ARID1A: variants seen among roughly 807,000 people sequenced by gnomAD.
ARID1A encodes the protein AT-rich interactive domain-containing protein 1A.
Under a neutral mutation model 212.6 loss-of-function variants are expected in ARID1A, and 20 were observed. The observed-to-expected ratio is 0.09, with a 90% CI of 0.07 to 0.14. The LOEUF (loss-of-function observed/expected upper bound fraction) is 0.14. ARID1A is among the 10% of genes least tolerant of loss of function. The pLI, the probability that ARID1A is intolerant of heterozygous loss-of-function variation, is 1.00. For synonymous variants in ARID1A, 1,376 were observed against 1,222.1 expected (o/e 1.13, Z -2.63); for missense variants, 2,587 against 3,059.0 (o/e 0.85, Z 3.64).
intron 11 of ARID1A, chr1:26,769,699 GTATAGGGAC>G (rs1329435704): frequency 2.0e-5 from 3 of 152,220 alleles, no homozygotes; most frequent in Non-Finnish European, 4.4e-5. Context: ...CTTCCTTTGT[GTATAGGGAC>G]TTGAAAACCC....
intron 4 of ARID1A, among the ~76,000 whole-genome samples, chr1:26,740,294 T>G (rs1314895335): frequency 6.6e-6 from 1 of 152,226 alleles, no homozygotes; most frequent in Non-Finnish European, 1.5e-5. Flanking sequence ...TCCTAAAGGA[T>G]CCTCCTGTGT....
At chr1:26,710,527 A>ACACC (rs915474721) in intron 1 of ARID1A, among the ~76,000 whole-genome samples, 25 of 150,498 alleles carry the variant, frequency 1.7e-4, no homozygotes, top group African/African-American at 5.9e-4. Context: ...ACACACACAC[A>ACACC]CCACTTGTTG....
rs144944633 is a variant in ARID1A, at chr1:26,775,093, C to T, written c.4866C>T (p.Ala1622=). 1.9e-6 allele frequency: 3 copies of T among 1,614,132 alleles called. No homozygotes were observed. The highest frequency in any genetic ancestry group is 2.5e-6 in the Non-Finnish European group (3 of 1,180,018). The change falls in exon 18 of 20, where the codon GCC becomes GCT. Residue 1622 remains alanine (A), a synonymous_variant. Transcript: ENST00000324856. ...KMQKAGPPVP[A]SHIAPAPVQP... Reference sequence around the variant, plus strand: ...AGAAGGCAGGTCCCCCAGTACCTGCCTCGCACATAGCACCTGCCCCTGTGC... The same window carrying T: ...AGAAGGCAGGTCCCCCAGTACCTGCTTCGCACATAGCACCTGCCCCTGTGC...
At chr1:26,744,377 T>C (rs77216962) in intron 4 of ARID1A, among the ~76,000 whole-genome samples, 1,839 of 152,330 alleles carry the variant, frequency 0.012, 23 homozygotes, top group Non-Finnish European at 0.02. Flanking sequence ...ACCTTTTGTT[T>C]CCTTCGGAAC....
At chr1:26,715,154 C>G (rs2080489987) in intron 1 of ARID1A, among the ~76,000 whole-genome samples, 1 of 152,104 alleles carries the variant, frequency 6.6e-6, no homozygotes, top group South Asian at 2.1e-4. Flanking sequence ...AGTTTTGTGG[C>G]TAGGGGCAGT....
At chr1:26,759,139 A>G (rs2080967806) in intron 4 of ARID1A, among the ~76,000 whole-genome samples, 1 of 152,164 alleles carries the variant, frequency 6.6e-6, no homozygotes, top group South Asian at 2.1e-4. Flanking sequence ...AATAGACTCA[A>G]ATCAAACCAA....
chr1:26,708,194 C>T (rs573868352), intron 1 of ARID1A, among the ~76,000 whole-genome samples: 19 of 148,006 alleles, frequency 1.3e-4, no homozygotes, highest in Non-Finnish European at 2.8e-4. Flanking sequence ...CTCTGGTCCC[C>T]GGTCCTCTCT....
rs1400046660 is a variant in ARID1A at position 26,696,428 on chromosome 1, G to A, written c.25G>A (p.Ala9Thr). The change falls in exon 1 of 20, where the codon GCC becomes ACC. Residue 9 changes from alanine (A) to threonine (T), a missense_variant. Ala to Thr is a moderately conservative substitution (Grantham distance 58, BLOSUM62 0). Coordinates refer to ENST00000324856, the MANE Select transcript of ARID1A (RefSeq NM_006015.6). ...CATGGCCGCGCAGGTCGCCCCCGCC[G>A]CCGCCAGCAGCCTGGGCAACCCGCC... MAAQVAPA[A>T]ASSLGNPPPP... The A allele has an allele frequency of 5.4e-6, 7 of 1,290,232 alleles. No individual in the cohort carries two copies. Among genetic ancestry groups the A allele is most frequent in the Admixed American group, 7.5e-5 (2 of 26,650 alleles). The allele number at this position is 1,290,232 out of a possible 1,614,324, so 79.9% of individuals were successfully genotyped here.
At position 26,779,678 on chromosome 1, in the gene ARID1A, C is replaced by G. The variant is rs2081172773; in HGVS notation, c.5780C>G (p.Ala1927Gly). ...TRSSTLTEDGAKSSEAIKESS... is the reference protein window; with the variant it reads ...TRSSTLTEDGGKSSEAIKESS... ...TCTAGCACCTTGACCGAGGATGGAG[C>G]TAAGAGTTCAGAGGCCATCAAGGAG... The change falls in exon 20 of 20, where the codon GCT becomes GGT. Residue 1927 changes from alanine to glycine, a missense_variant. This residue lies in a region of ARID1A where 890 missense variants were observed against 1,098.2 expected (regional missense o/e 0.81). Coordinates refer to ENST00000324856, the MANE Select transcript of ARID1A (RefSeq NM_006015.6). 3 of 1,614,084 alleles carry G rather than the reference C, an allele frequency of 1.9e-6. No homozygotes were observed. The East Asian group carries it at 6.7e-5, about 36-fold the overall frequency.
intron 12 of ARID1A, chr1:26,772,252 C>T: frequency 1.9e-6 from 1 of 526,456 alleles, no homozygotes; most frequent in South Asian, 2.5e-5. Context: ...AGGGAATCAC[C>T]AGCATGGTGA....
At chr1:26,755,244 T>G (rs1038299132) in intron 4 of ARID1A, among the ~76,000 whole-genome samples, 1 of 152,222 alleles carries the variant, frequency 6.6e-6, no homozygotes, top group Non-Finnish European at 1.5e-5. Flanking sequence ...CGTAAATGAT[T>G]TACCCCTTTC....
At chr1:26,716,352 G>A (rs188198455) in intron 1 of ARID1A, among the ~76,000 whole-genome samples, 1 of 152,156 alleles carries the variant, frequency 6.6e-6, no homozygotes, top group East Asian at 1.9e-4. Flanking sequence ...TGCCTCCATG[G>A]AGTACTTTCT....
intron 4 of ARID1A, among the ~76,000 whole-genome samples, chr1:26,750,356 A>G (rs746461021): frequency 2.6e-5 from 4 of 152,222 alleles, no homozygotes; most frequent in African/African-American, 7.2e-5. Context: ...TATAATGCCA[A>G]TTCTACTCTG....
rs765957486 is a variant in ARID1A at position 26,760,861 on chromosome 1, A to G, written c.1926A>G (p.Leu642=). 3.1e-6 allele frequency: 5 copies of G among 1,611,840 alleles called. No homozygotes were observed. The highest frequency in any genetic ancestry group is 2.2e-5 in the East Asian group (1 of 44,870). ...LQSRPSSLPD[L]SGSIDDLPMG... ...TTCTTATATATATGTTCTAGGATCT[A>G]TCTGGTTCAATAGATGACCTCCCCA... Residue 642 remains leucine (L), a synonymous_variant, in exon 5 of 20, where the codon CTA becomes CTG. Coordinates refer to ENST00000324856, the MANE Select transcript of ARID1A (RefSeq NM_006015.6).
At chr1:26,730,734 T>C (rs1339098127) in intron 2 of ARID1A, among the ~76,000 whole-genome samples, 7 of 152,240 alleles carry the variant, frequency 4.6e-5, no homozygotes, top group Admixed American at 3.9e-4. Context: ...ATTTTCACAC[T>C]GTCTGAATTA....
In ARID1A at chr1:26,697,151, A is replaced by G; in HGVS notation, c.748A>G (p.Lys250Glu). The G allele has an allele frequency of 6.9e-7, 1 of 1,438,982 alleles. No homozygotes were observed. The highest frequency in any genetic ancestry group is 9.1e-7 in the Non-Finnish European group (1 of 1,099,048). 89.1% of individuals were successfully genotyped at this position (1,438,982 alleles called of 1,614,324 possible). ...CGGCGCGGCGGCGGCTGCCGGCTCC[A>G]AGCCGCCTCCCTCCTCCAGCGCCTC... Reference protein sequence around the residue: ...GSGAAAAAGSKPPPSSSASAS... With the variant: ...GSGAAAAAGSEPPPSSSASAS... The change falls in exon 1 of 20, where the codon AAG becomes GAG. Residue 250 changes from lysine (K) to glutamate (E), a missense_variant. Around this residue, in one of 11 missense-constraint regions of ARID1A, gnomAD observed 735 missense variants for 590.6 expected, o/e 1.24. Coordinates refer to ENST00000324856, the MANE Select transcript of ARID1A (RefSeq NM_006015.6).
At position 26,779,395 on chromosome 1, in the gene ARID1A, C is replaced by T. The variant is rs372213935; in HGVS notation, c.5497C>T (p.Arg1833Cys). The change falls in exon 20 of 20, where the codon CGT (arginine) becomes TGT (cysteine). Residue 1833 changes from arginine (R) to cysteine (C), a missense_variant. By Grantham distance (180) the Arg-to-Cys change is radical. Coordinates refer to ENST00000324856, the MANE Select transcript of ARID1A (RefSeq NM_006015.6). ...GGTGGACTGCTCAGATAAGCTTGGG[C>T]GTGTGCAGGAGTTTGACAGTGGCCT... Reference protein sequence around the residue: ...FVVDCSDKLGRVQEFDSGLLH... With the variant: ...FVVDCSDKLGCVQEFDSGLLH... 3.8e-5 allele frequency: 62 copies of T among 1,614,158 alleles called. No homozygotes were observed. Among genetic ancestry groups the T allele is most frequent in the Middle Eastern group, 3.3e-4 (2 of 6,062 alleles).
At chr1:26,765,877 A>C (rs2081034957) in intron 8 of ARID1A, 1 of 184,298 alleles carries the variant, frequency 5.4e-6, no homozygotes, top group Non-Finnish European at 1.1e-5. Flanking sequence ...AAAAAAAAAA[A>C]AGAAAATCTG....
In ARID1A at chr1:26,696,526, G is replaced by A. The variant is rs1409885099; in HGVS notation, c.123G>A (p.Ala41=). Residue 41 remains alanine (A), a synonymous_variant, in exon 1 of 20, where the codon GCG becomes GCA. Coordinates refer to ENST00000324856, the MANE Select transcript of ARID1A (RefSeq NM_006015.6). ...QREEAGGEAA[A]AAAAERGEMK... ...AGGAGGCGGGGGGCGAGGCGGCGGC[G>A]GCGGCAGCGGCCGAGCGCGGGGAAA... 4.9e-6 allele frequency: 6 copies of A among 1,227,454 alleles called. No individual in the cohort carries two copies. The East Asian group carries it at 1.6e-4, about 34-fold the overall frequency. The allele number at this position is 1,227,454 out of a possible 1,614,324, so 76.0% of individuals were successfully genotyped here.
Sources: allele counts gnomAD v4.1 joint callset (sites outside exome capture counted in the v4.1 genomes callset), GRCh38; gene constraint gnomAD v4.1.1; regional missense constraint gnomAD v4.1.1; transcripts MANE v1.5; gene names NCBI Gene and HGNC (gene_info 2026-07-23, HGNC 2026-07-21).